Variants in GLOD4 observed in about 807,000 individuals in gnomAD.
GLOD4 encodes the protein glyoxalase domain-containing protein 4.
In GLOD4, 44 loss-of-function variants were observed where a neutral mutation model predicts 39.1. The ratio of observed to expected loss-of-function variants is 1.13; its 90% CI spans 0.88 to 1.45. The LOEUF (loss-of-function observed/expected upper bound fraction) is 1.45. Among genes scored for constraint, GLOD4 ranks in the 40% most tolerant of loss-of-function variants. The pLI, the probability that GLOD4 is intolerant of heterozygous loss-of-function variation, is 0.00. For missense variants in GLOD4, 405 were observed against 366.4 expected (o/e 1.11, Z -0.86); for synonymous variants, 145 against 135.0 (o/e 1.07, Z -0.52).
At chr17:783,381 G>C, upstream of GLOD4, 1 of 1,515,914 alleles carries the variant, frequency 6.6e-7, no homozygotes, top group Non-Finnish European at 8.8e-7. Flanking sequence ...CTGTCACCCA[G>C]GCTGGAGTGC....
At chr17:761,846 G>A (rs1453936598) in intron 8 of GLOD4, among the ~76,000 whole-genome samples, 1 of 152,162 alleles carries the variant, frequency 6.6e-6, no homozygotes, top group Non-Finnish European at 1.5e-5. Context: ...AAGTAAAAGA[G>A]GAGAGGGAAA....
rs570671934 is a variant in GLOD4, at chr17:763,004, G to A, written c.832-2766C>T. On this transcript the variant is annotated intron_variant, in intron 8 of 8. Transcript: ENST00000301329. ...ATCCTGGCTAACACGGTGAAACCCC[G>A]TCTCTACTAAAAATACAAAAAAATT... Among the ~76,000 whole-genome samples the A allele has an allele frequency of 1.4e-4, 22 of 152,030 alleles. No homozygotes were observed. The East Asian group carries it at 2.5e-3, about 17-fold the overall frequency.
intron 8 of GLOD4, among the ~76,000 whole-genome samples, chr17:763,125 G>A (rs1051257631): frequency 4.0e-5 from 6 of 151,260 alleles, no homozygotes; most frequent in South Asian, 2.1e-4. Context: ...GGAGCTTGCC[G>A]TGAGCCGAGA....
chr17:767,593 A>C (rs1003696536), intron 8 of GLOD4, among the ~76,000 whole-genome samples: 5 of 151,658 alleles, frequency 3.3e-5, no homozygotes, highest in African/African-American at 1.2e-4. Flanking sequence ...TTTTAGAAGA[A>C]GAAATCTAGA....
At chr17:773,126 G>T (rs1018103037) in intron 4 of GLOD4, among the ~76,000 whole-genome samples, 2 of 152,174 alleles carry the variant, frequency 1.3e-5, no homozygotes, top group African/African-American at 4.8e-5. Flanking sequence ...GTGTAGAGGG[G>T]AAAATCACAA....
At chr17:772,067 T>C (rs1350132298) in intron 4 of GLOD4, among the ~76,000 whole-genome samples, 1 of 145,734 alleles carries the variant, frequency 6.9e-6, no homozygotes, top group Non-Finnish European at 1.5e-5. Flanking sequence ...CTCATGTGTG[T>C]ATTCCCAGCC....
Position 771,340 on chromosome 17 carries a change from G to C in GLOD4, c.528C>G (p.Gly176=), listed in dbSNP as rs774101239. The change falls in exon 5 of 9, where the codon GGC becomes GGG. Residue 176 remains glycine (G), a synonymous_variant. Coordinates refer to ENST00000301329, the MANE Select transcript of GLOD4 (RefSeq NM_016080.4). Reference sequence around the variant, plus strand: ...GATTGCTCACCTGGTTATCAGCATAGCCCAGCAAAGCCCTTTGCTTTTCTT... The same window carrying C: ...GATTGCTCACCTGGTTATCAGCATACCCCAGCAAAGCCCTTTGCTTTTCTT... ...KDEEKQRALL[G]YADNQCKLEL... The C allele has an allele frequency of 9.4e-6, 15 of 1,598,074 alleles. No homozygotes were observed. The highest frequency in any genetic ancestry group is 1.2e-5 in the Non-Finnish European group (14 of 1,171,566).
At chr17:766,393 C>T (rs566555917) in intron 8 of GLOD4, among the ~76,000 whole-genome samples, 51 of 149,280 alleles carry the variant, frequency 3.4e-4, no homozygotes, top group African/African-American at 1.2e-3. Flanking sequence ...GTTAGGAGTT[C>T]AAGACCATCC....
rs116488818 is a variant in GLOD4 at position 774,412 on chromosome 17, G to A, written c.406+1363C>T. Among the ~76,000 whole-genome samples, 476 of 152,340 alleles carry A rather than the reference G, an allele frequency of 3.1e-3. 2 individuals are homozygous for A. The highest frequency in any genetic ancestry group is 0.011 in the African/African-American group (448 of 41,592). ...GTCGGCACAAGTGCCCTTGCCATTC[G>A]CCAGCATTTTCCCCGTTTTTGCTTT... is the stretch of plus-strand genomic sequence containing the variant. On this transcript the variant is annotated intron_variant, in intron 4 of 8. Coordinates refer to ENST00000301329, the MANE Select transcript of GLOD4 (RefSeq NM_016080.4).
intron 8 of GLOD4, among the ~76,000 whole-genome samples, chr17:767,156 A>G (rs190081764): frequency 2.6e-4 from 39 of 152,366 alleles, no homozygotes; most frequent in Non-Finnish European, 4.9e-4. Flanking sequence ...TAAGAAGACT[A>G]AAGTTCAAAG....
intron 4 of GLOD4, among the ~76,000 whole-genome samples, chr17:772,461 G>C (rs960117196): frequency 2.6e-5 from 4 of 151,724 alleles, no homozygotes; most frequent in African/African-American, 9.7e-5. Flanking sequence ...AAAAACTTCT[G>C]CTACATAAAT....
upstream of GLOD4, among the ~76,000 whole-genome samples, chr17:784,181 C>T (rs938531445): frequency 2.0e-5 from 3 of 152,134 alleles, no homozygotes; most frequent in East Asian, 1.9e-4. Context: ...GTTTTTCATA[C>T]GTTTTTGACA....
chr17:780,740 T>TC (rs1909761686), intron 1 of GLOD4: 1 of 54,172 alleles, frequency 1.8e-5, no homozygotes, highest in Non-Finnish European at 3.3e-5. Flanking sequence ...AGACTCCACC[T>TC]CAAAAAAAAA....
chr17:773,980 CAA>C (rs1313211471), intron 4 of GLOD4, among the ~76,000 whole-genome samples: 2 of 152,120 alleles, frequency 1.3e-5, no homozygotes, highest in Non-Finnish European at 2.9e-5. Flanking sequence ...TTCCAAAGAA[CAA>C]AAGCTTCTTA....
At chr17:767,392 A>T (rs1056248042) in intron 8 of GLOD4, among the ~76,000 whole-genome samples, 1 of 152,250 alleles carries the variant, frequency 6.6e-6, no homozygotes, top group Admixed American at 6.5e-5. Flanking sequence ...AAAGCACTTC[A>T]CTGAGTAACA....
chr17:771,466 T>G lies in GLOD4; in HGVS notation c.407-5A>C, dbSNP rs1443117463. The G allele has an allele frequency of 6.5e-7, 1 of 1,545,386 alleles. No homozygotes were observed. Among genetic ancestry groups the G allele is most frequent in the Admixed American group, 1.9e-5 (1 of 52,386 alleles). On this transcript the variant is annotated splice_region_variant and splice_polypyrimidine_tract_variant and intron_variant, in intron 4 of 8. Transcript: ENST00000301329. ...GAGTTACTTTTAATACAGGATCTGT[T>G]GGGTAATAAAGCAGGAATAGACAGA...
At chr17:782,559 G>A (rs1177047458), upstream of GLOD4, 1 of 1,613,940 alleles carries the variant, frequency 6.2e-7, no homozygotes, top group African/African-American at 1.3e-5. Flanking sequence ...GCCCCGCAAG[G>A]CACCATCTGA....
rs1909075939 is a variant in GLOD4 at position 776,962 on chromosome 17, G to T, written c.167C>A (p.Thr56Lys). Residue 56 changes from threonine (T) to lysine (K), a missense_variant, in exon 3 of 9, where the codon ACA (threonine) becomes AAA (lysine). By Grantham distance (78) the Thr-to-Lys change is moderately conservative. Transcript: ENST00000301329. The part of the protein sequence containing the change: ...NGPYDGKWSK[T>K]MVGFGPEDDH... Reference sequence around the variant, plus strand: ...ATCCTCAGGCCCAAATCCCACCATTGTTTTACTCCATTTCCCATCATAAGG... The same window carrying T: ...ATCCTCAGGCCCAAATCCCACCATTTTTTTACTCCATTTCCCATCATAAGG... 1.2e-6 allele frequency: 2 copies of T among 1,605,506 alleles called. No individual in the cohort carries two copies. Among genetic ancestry groups the T allele is most frequent in the Non-Finnish European group, 1.7e-6 (2 of 1,172,262 alleles).
At chr17:782,360 A>G, upstream of GLOD4, 1 of 1,613,236 alleles carries the variant, frequency 6.2e-7, no homozygotes, top group Non-Finnish European at 8.5e-7. Context: ...TTCGTGACGC[A>G]GCCCGGGTCT....
Sources: allele counts gnomAD v4.1 joint callset (sites outside exome capture counted in the v4.1 genomes callset), GRCh38; gene constraint gnomAD v4.1.1; transcripts MANE v1.5; gene names NCBI Gene and HGNC (gene_info 2026-07-23, HGNC 2026-07-21).